CCM2: variants seen among roughly 807,000 people sequenced by gnomAD.
CCM2 encodes the protein CCM2 scaffold protein.
A neutral mutation model predicts 44.9 loss-of-function variants in CCM2; 25 were observed. The observed-to-expected ratio is 0.56, with a 90% confidence interval of 0.41 to 0.78. CCM2 has a LOEUF of 0.78. CCM2 is among the 30% of genes least tolerant of loss of function. The probability of loss-of-function intolerance (pLI) is 0.00; values close to 1 mark genes in which losing one functional copy is unlikely to be tolerated. For missense variants in CCM2, 481 were observed against 580.6 expected, an observed-to-expected ratio of 0.83 and a Z score of 1.76; for synonymous variants, 219 against 241.1, an observed-to-expected ratio of 0.91 and a Z score of 0.85.
intron 2 of CCM2, among the ~76,000 whole-genome samples, chr7:45,049,272 C>T (rs890157603): frequency 2.6e-5 from 4 of 152,106 alleles, no homozygotes; most frequent in African/African-American, 7.2e-5. Context: ...TTATTTTTAT[C>T]TAATTGAATA....
At chr7:45,008,272 T>C (rs962044655) in intron 1 of CCM2, among the ~76,000 whole-genome samples, 8 of 151,898 alleles carry the variant, frequency 5.3e-5, no homozygotes, top group South Asian at 2.1e-4. Flanking sequence ...TCTCTTGACC[T>C]CATGATCCAC....
At chr7:45,002,916 G>T (rs1246864287) in intron 1 of CCM2, among the ~76,000 whole-genome samples, 1 of 152,152 alleles carries the variant, frequency 6.6e-6, no homozygotes, top group African/African-American at 2.4e-5. Flanking sequence ...GGCCACTAAA[G>T]GTGTGGGGCC....
chr7:45,030,034 C>A (rs1796887274), intron 1 of CCM2, among the ~76,000 whole-genome samples: 1 of 152,124 alleles, frequency 6.6e-6, no homozygotes, highest in African/African-American at 2.4e-5. Context: ...TGACTCAGAG[C>A]CCTGTGTTCC....
chr7:45,023,807 T>TG (rs1468526694), intron 1 of CCM2, among the ~76,000 whole-genome samples: 3 of 36,490 alleles, frequency 8.2e-5, no homozygotes, highest in South Asian at 1.5e-3. Flanking sequence ...TTTTTTTTTT[T>TG]TTTTTTTTTT....
At chr7:45,016,187 G>A (rs1412856866) in intron 1 of CCM2, among the ~76,000 whole-genome samples, 4 of 152,228 alleles carry the variant, frequency 2.6e-5, no homozygotes, top group Non-Finnish European at 5.9e-5. Flanking sequence ...CACTTCAGAG[G>A]AGGAGGGGTT....
intron 1 of CCM2, among the ~76,000 whole-genome samples, chr7:45,002,617 G>A (rs77274778): frequency 0.024 from 3,625 of 151,910 alleles, 154 homozygotes; most frequent in African/African-American, 0.082. Context: ...TCAGTGAGTT[G>A]GCAGAGAACC....
At chr7:45,043,550 C>CCCAA (rs1797611775) in intron 2 of CCM2, among the ~76,000 whole-genome samples, 1 of 151,886 alleles carries the variant, frequency 6.6e-6, no homozygotes, top group Non-Finnish European at 1.5e-5. Flanking sequence ...ATCACTTGAA[C>CCCAA]CCAAGGAGGC....
chr7:45,064,922 C>T (rs939164633), intron 4 of CCM2, among the ~76,000 whole-genome samples: 3 of 152,118 alleles, frequency 2.0e-5, no homozygotes, highest in South Asian at 2.1e-4. Flanking sequence ...CGGTGGGGCT[C>T]CTATTGACTC....
chr7:45,019,744 A>C (rs1424230722), intron 1 of CCM2, among the ~76,000 whole-genome samples: 1 of 151,980 alleles, frequency 6.6e-6, no homozygotes, highest in Non-Finnish European at 1.5e-5. Flanking sequence ...TATCTGGCTA[A>C]TTTTTATTTT....
At chr7:45,025,154 G>A (rs1796633366) in intron 1 of CCM2, among the ~76,000 whole-genome samples, 1 of 152,192 alleles carries the variant, frequency 6.6e-6, no homozygotes, top group African/African-American at 2.4e-5. Context: ...AGGCCATTAA[G>A]TAGGTACTTA....
intron 6 of CCM2, 58 bp downstream of exon 6, chr7:45,070,019 TG>T: frequency 6.3e-7 from 1 of 1,597,668 alleles, no homozygotes; most frequent in Non-Finnish European, 8.5e-7. Flanking sequence ...GCTACTGCAG[TG>T]GCCCCCAGCT....
At position 45,069,818 on chromosome 7, in the gene CCM2, C is replaced by T; in HGVS notation, c.610-8C>T. 1 of 1,614,066 alleles carries T rather than the reference C, an allele frequency of 6.2e-7. No homozygotes were observed. Among genetic ancestry groups the T allele is most frequent in the Non-Finnish European group, 8.5e-7 (1 of 1,180,050 alleles). On this transcript the variant is annotated splice_polypyrimidine_tract_variant and splice_region_variant and intron_variant, in intron 5 of 9. Transcript: ENST00000258781. The stretch of plus-strand genomic sequence containing the variant: ...GACTGACCGAGCAGCTGCTGTCCCC[C>T]ACTGCAGGTCGCTGCGGAGGAGCTT...
chr7:45,053,750 C>A (rs773503106), intron 2 of CCM2, among the ~76,000 whole-genome samples: 2 of 152,182 alleles, frequency 1.3e-5, no homozygotes, highest in Non-Finnish European at 2.9e-5. Flanking sequence ...GCCTGTAGAC[C>A]TTCTGCACAC....
At chr7:45,042,203 T>C (rs1583912080) in intron 2 of CCM2, among the ~76,000 whole-genome samples, 1 of 141,396 alleles carries the variant, frequency 7.1e-6, no homozygotes, top group African/African-American at 2.8e-5. Flanking sequence ...AAGATGGAGA[T>C]TGCAGTGAGC....
chr7:45,039,744 AG>A (rs1420288774), intron 2 of CCM2, among the ~76,000 whole-genome samples: 2 of 152,212 alleles, frequency 1.3e-5, no homozygotes, highest in African/African-American at 2.4e-5. Flanking sequence ...ACTGTTAATT[AG>A]GCCAGGTGCG....
rs892262293 is a variant in CCM2 at position 45,076,175 on chromosome 7, G to A, written c.*118G>A. The A allele has an allele frequency of 5.6e-6, 8 of 1,441,196 alleles. No individual in the cohort carries two copies. Among genetic ancestry groups the A allele is most frequent in the Non-Finnish European group, 6.6e-6 (7 of 1,055,618 alleles). The allele number at this position is 1,441,196 out of a possible 1,614,324, so 89.3% of individuals were successfully genotyped here. A position where few individuals can be genotyped will look rare whatever the true frequency, so the allele number is the denominator to read the frequency against. On this transcript the variant is annotated 3_prime_UTR_variant, in exon 10 of 10. Transcript: ENST00000258781. The stretch of plus-strand genomic sequence containing the variant: ...TGGTGGCCAGGGAGAGGCGCCCGGT[G>A]CAGATGGCCCCGGGCGGCCCAGGTC...
intron 1 of CCM2, among the ~76,000 whole-genome samples, chr7:45,024,142 T>A (rs918759953): frequency 2.0e-5 from 3 of 152,200 alleles, no homozygotes; most frequent in Non-Finnish European, 4.4e-5. Context: ...GTTCTGGGTG[T>A]TTTCCTTACA....
At chr7:45,072,811 G>A (rs369087076) in intron 7 of CCM2, 28 bp downstream of exon 7, 97 of 1,588,942 alleles carry the variant, frequency 6.1e-5, no homozygotes, top group Non-Finnish European at 7.8e-5. Flanking sequence ...CAAGCCCTGC[G>A]GTGGGACACG....
intron 1 of CCM2, among the ~76,000 whole-genome samples, chr7:45,031,381 C>CA (rs35741858): frequency 0.077 from 4,380 of 57,152 alleles, 128 homozygotes; most frequent in Non-Finnish European, 0.1. Context: ...GACTCCAGGT[C>CA]AAAAAAAAAA....
Sources: gnomAD v4.1 joint callset for allele counts (sites outside exome capture counted in the v4.1 genomes callset) on GRCh38, gnomAD v4.1.1 for gene constraint, MANE v1.5 for transcripts, NCBI Gene and HGNC (gene_info 2026-07-23, HGNC 2026-07-21) for gene names.